CDCA3: variants seen among roughly 807,000 people sequenced by gnomAD.
The protein encoded by CDCA3 is cell division cycle-associated protein 3.
A neutral mutation model predicts 29.1 loss-of-function variants in CDCA3; 16 were observed. The ratio of observed to expected loss-of-function variants is 0.55; its 90% CI spans 0.37 to 0.83. CDCA3 has a LOEUF of 0.83. Among genes scored for constraint, CDCA3 ranks in the 40% least tolerant of loss-of-function variants. CDCA3 has a pLI of 0.00. For missense variants in CDCA3, 291 were observed against 327.2 expected (o/e 0.89, Z 0.85); for synonymous variants, 88 against 124.5 (o/e 0.71, Z 1.95).
Position 6,850,306 on chromosome 12 carries a change from C to G in CDCA3, c.250+161G>C. The G allele has an allele frequency of 1.0e-6, 1 of 988,976 alleles. No individual in the cohort carries two copies. The highest frequency in any genetic ancestry group is 1.5e-6 in the Non-Finnish European group (1 of 666,466). 61.3% of individuals were successfully genotyped at this position (988,976 alleles called of 1,614,324 possible). On this transcript the variant is annotated intron_variant, in intron 3 of 5. Coordinates refer to ENST00000538862, the MANE Select transcript of CDCA3 (RefSeq NM_031299.7). This position sits in a 1 kb window ranked among gnomAD's most constrained non-coding sequence, Gnocchi z 4.7. ...GTGCTGGGATTACAGGCATGAGCCACCGCACCCAGGCTGGGAACAAAATAT... is the reference window on the plus strand; with the variant it reads ...GTGCTGGGATTACAGGCATGAGCCAGCGCACCCAGGCTGGGAACAAAATAT...
At position 6,849,279 on chromosome 12, in the gene CDCA3, A is replaced by C; in HGVS notation, c.651+44T>G. 2.5e-6 allele frequency: 4 copies of C among 1,597,686 alleles called. No homozygotes were observed. In the South Asian group the frequency reaches 4.5e-5, roughly 18 times the overall value. ...TGGGTAAAAGGGTCTCCCACCCTCTACGTTGGATATCCTAGTAACAGCTTG... is the reference window on the plus strand; with the variant it reads ...TGGGTAAAAGGGTCTCCCACCCTCTCCGTTGGATATCCTAGTAACAGCTTG... On this transcript the variant is annotated intron_variant, in intron 5 of 5. Coordinates refer to ENST00000538862, the MANE Select transcript of CDCA3 (RefSeq NM_031299.7). The surrounding 1 kb of genome is among the most constrained non-coding windows in gnomAD (Gnocchi z 5.2).
chr12:6,845,608 T>C (rs895897850), downstream of CDCA3: 2 of 1,612,000 alleles, frequency 1.2e-6, no homozygotes, highest in Middle Eastern at 1.6e-4. Context: ...GGAGAGGCCA[T>C]CTGCACGGGC....
downstream of CDCA3, chr12:6,846,025 G>A (rs148781450): frequency 1.1e-4 from 59 of 555,812 alleles, no homozygotes; most frequent in East Asian, 1.6e-3. Flanking sequence ...CCAATGCCAT[G>A]ACTGCTCCCT....
At chr12:6,845,478 C>T (rs1943669161), downstream of CDCA3, 9 of 715,750 alleles carry the variant, frequency 1.3e-5, no homozygotes, top group South Asian at 1.5e-4. Context: ...GGCAGGGAGG[C>T]TGAGAGCAGC....
chr12:6,845,958 G>A, downstream of CDCA3: 1 of 627,748 alleles, frequency 1.6e-6, no homozygotes, highest in Non-Finnish European at 2.9e-6. Context: ...GTACCCCTTG[G>A]TTCCCAACTA....
At chr12:6,846,691 A>C (rs1555124782), downstream of CDCA3, 145 of 646,478 alleles carry the variant, frequency 2.2e-4, no homozygotes, top group African/African-American at 3.1e-3. Flanking sequence ...ACCCACATAC[A>C]CACACACACC....
At chr12:6,846,756 T>C, downstream of CDCA3, 1 of 1,248,518 alleles carries the variant, frequency 8.0e-7, no homozygotes, top group Non-Finnish European at 1.2e-6. Context: ...CAAATCAGCT[T>C]GGAGAGACAG....
chr12:6,850,501 A>G lies in CDCA3; in HGVS notation c.216T>C (p.Gly72=), dbSNP rs782807541. The change falls in exon 3 of 6, where the codon GGT becomes GGC. Residue 72 remains glycine (G), a synonymous_variant. Coordinates refer to ENST00000538862, the MANE Select transcript of CDCA3 (RefSeq NM_031299.7). This position sits in a 1 kb window ranked among gnomAD's most constrained non-coding sequence, Gnocchi z 4.7. ...TGGTCTTCATAGGTGTCCGTGCAAT[A>G]CCAAGAGTAGGAGAGCGGGGATCTG... is the stretch of plus-strand genomic sequence containing the variant. The part of the protein sequence containing the change: ...QDSDPRSPTL[G]IARTPMKTSS... 40 of 1,613,972 alleles carry G rather than the reference A, an allele frequency of 2.5e-5. No individual in the cohort carries two copies. The highest frequency in any genetic ancestry group is 3.1e-5 in the Non-Finnish European group (36 of 1,180,000).
Position 6,851,204 on chromosome 12 carries a change from A to T in CDCA3, c.-58+18T>A. On this transcript the variant is annotated intron_variant, in intron 1 of 5. Coordinates refer to ENST00000538862, the MANE Select transcript of CDCA3 (RefSeq NM_031299.7). Reference sequence around the variant, plus strand: ...CTGAGCCCTCTAACTTATTTATTAAATTATTCAAATCACTTACCGGGCCCC... The same window carrying T: ...CTGAGCCCTCTAACTTATTTATTAATTTATTCAAATCACTTACCGGGCCCC... 7.7e-7 allele frequency: 1 copy of T among 1,296,338 alleles called. No individual in the cohort carries two copies. Among genetic ancestry groups the T allele is most frequent in the Non-Finnish European group, 9.8e-7 (1 of 1,022,470 alleles). The allele number at this position is 1,296,338 out of a possible 1,614,324, so 80.3% of individuals were successfully genotyped here.
downstream of CDCA3, chr12:6,848,819 GT>G: frequency 1.8e-6 from 1 of 549,670 alleles, no homozygotes; most frequent in Non-Finnish European, 3.2e-6. Flanking sequence ...TCGGTGCAAG[GT>G]TTACATATAC....
At chr12:6,846,952 C>A, downstream of CDCA3, 1 of 977,544 alleles carries the variant, frequency 1.0e-6, no homozygotes, top group Non-Finnish European at 1.6e-6. Flanking sequence ...CAGCCCCCTG[C>A]CCGACCCCAT....
At chr12:6,846,828 T>C (rs1555124854), downstream of CDCA3, 15 of 1,601,540 alleles carry the variant, frequency 9.4e-6, no homozygotes, top group Non-Finnish European at 1.2e-5. Context: ...GTGAGCTGCC[T>C]GGGAGTCACA....
At position 6,850,994 on chromosome 12, in the gene CDCA3, G is replaced by A. The variant is rs782806254; in HGVS notation, c.-42C>T. On this transcript the variant is annotated 5_prime_UTR_variant, in exon 2 of 6. Coordinates refer to ENST00000538862, the MANE Select transcript of CDCA3 (RefSeq NM_031299.7). This position sits in a 1 kb window ranked among gnomAD's most constrained non-coding sequence, Gnocchi z 4.7. Reference sequence around the variant, plus strand: ...AGGGTGGGGGCAAGGGCCAGCCCGGGACGAGGAGGGAATGCCTGTGAGAAG... The same window carrying A: ...AGGGTGGGGGCAAGGGCCAGCCCGGAACGAGGAGGGAATGCCTGTGAGAAG... 1 of 1,585,180 alleles carries A rather than the reference G, an allele frequency of 6.3e-7. No homozygotes were observed. The highest frequency in any genetic ancestry group is 1.1e-5 in the South Asian group (1 of 88,380).
Position 6,851,006 on chromosome 12 carries a change from A to G in CDCA3, c.-54T>C, listed in dbSNP as rs924777278. On this transcript the variant is annotated 5_prime_UTR_variant, in exon 2 of 6. Coordinates refer to ENST00000538862, the MANE Select transcript of CDCA3 (RefSeq NM_031299.7). ...AGGGCCAGCCCGGGACGAGGAGGGA[A>G]TGCCTGTGAGAAGTGACTCAGGTCT... 7.0e-6 allele frequency: 11 copies of G among 1,573,838 alleles called. No homozygotes were observed. The highest frequency in any genetic ancestry group is 8.6e-6 in the Non-Finnish European group (10 of 1,165,632).
chr12:6,851,021 G>A lies in CDCA3; in HGVS notation c.-57-12C>T, dbSNP rs1943865716. On this transcript the variant is annotated splice_polypyrimidine_tract_variant and intron_variant, in intron 1 of 5. Coordinates refer to ENST00000538862, the MANE Select transcript of CDCA3 (RefSeq NM_031299.7). ...CGAGGAGGGAATGCCTGTGAGAAGT[G>A]ACTCAGGTCTCAGCCCTTATCTCTT... is the stretch of plus-strand genomic sequence containing the variant. 6.5e-7 allele frequency: 1 copy of A among 1,548,336 alleles called. No homozygotes were observed. The highest frequency in any genetic ancestry group is 1.2e-5 in the South Asian group (1 of 82,932).
chr12:6,850,169 G>C lies in CDCA3; in HGVS notation c.250+298C>G, dbSNP rs1943808461. The C allele has an allele frequency of 1.9e-6, 1 of 521,816 alleles. No individual in the cohort carries two copies. Among genetic ancestry groups the C allele is most frequent in the African/African-American group, 1.9e-5 (1 of 52,352 alleles). 32.3% of individuals were successfully genotyped at this position (521,816 alleles called of 1,614,324 possible). On this transcript the variant is annotated intron_variant, in intron 3 of 5. Transcript: ENST00000538862. This position sits in a 1 kb window ranked among gnomAD's most constrained non-coding sequence, Gnocchi z 4.7. ...CCCATGCCACCGTGCTTTTGTGTGTGTGTGTGTGTGTTATGTGTGTGTATT... is the reference window on the plus strand; with the variant it reads ...CCCATGCCACCGTGCTTTTGTGTGTCTGTGTGTGTGTTATGTGTGTGTATT...
chr12:6,850,334 A>G lies in CDCA3; in HGVS notation c.250+133T>C, dbSNP rs1010585837. 8.4e-7 allele frequency: 1 copy of G among 1,197,314 alleles called. No individual in the cohort carries two copies. Among genetic ancestry groups the G allele is most frequent in the Admixed American group, 2.1e-5 (1 of 48,098 alleles). 74.2% of individuals were successfully genotyped at this position (1,197,314 alleles called of 1,614,324 possible). On this transcript the variant is annotated intron_variant, in intron 3 of 5. Transcript: ENST00000538862. The surrounding 1 kb of genome is among the most constrained non-coding windows in gnomAD (Gnocchi z 4.7). ...CACCCAGGCTGGGAACAAAATATTGAGATAAGAGTGAGATGGGTCCGAAGC... is the reference window on the plus strand; with the variant it reads ...CACCCAGGCTGGGAACAAAATATTGGGATAAGAGTGAGATGGGTCCGAAGC...
At chr12:6,847,127 C>T, downstream of CDCA3, 2 of 527,000 alleles carry the variant, frequency 3.8e-6, no homozygotes, top group Non-Finnish European at 6.9e-6. Context: ...CCACAGTCCT[C>T]ACAGCCTCTC....
chr12:6,847,487 C>A (rs572170123), downstream of CDCA3: 110 of 154,038 alleles, frequency 7.1e-4, no homozygotes, highest in Non-Finnish European at 1.1e-3. Flanking sequence ...GTGATAAAGG[C>A]TGGGTACTGG....
Sources: allele counts gnomAD v4.1 joint callset, GRCh38; gene constraint gnomAD v4.1.1; non-coding constraint Gnocchi (gnomAD v3.1); transcripts MANE v1.5; gene names NCBI Gene and HGNC (gene_info 2026-07-23, HGNC 2026-07-21).